CBFA2T2: variants seen among roughly 807,000 people sequenced by gnomAD.
The protein encoded by CBFA2T2 is protein CBFA2T2.
A neutral mutation model predicts 62.2 loss-of-function variants in CBFA2T2; 11 were observed. That is an observed-to-expected ratio of 0.18 (90% confidence interval 0.11 to 0.29). CBFA2T2 has a LOEUF of 0.29. Among genes scored for constraint, CBFA2T2 ranks in the 10% least tolerant of loss-of-function variants. The probability of loss-of-function intolerance (pLI) is 1.00; values close to 1 mark genes in which losing one functional copy is unlikely to be tolerated. For synonymous variants in CBFA2T2, 295 were observed against 287.5 expected (o/e 1.03, Z -0.27); for missense variants, 592 against 774.1 (o/e 0.76, Z 2.79).
At chr20:33,497,919 A>G (rs965535807) in intron 1 of CBFA2T2, among the ~76,000 whole-genome samples, 3 of 151,998 alleles carry the variant, frequency 2.0e-5, no homozygotes, top group Non-Finnish European at 2.9e-5. Context: ...CTGGGTTCCA[A>G]TGATTCTCCT....
At chr20:33,606,564 G>C (rs1025532792) in intron 1 of CBFA2T2, among the ~76,000 whole-genome samples, 2 of 152,034 alleles carry the variant, frequency 1.3e-5, no homozygotes, top group East Asian at 1.9e-4. Context: ...GGCATTCCTC[G>C]GTGTATAGAT....
chr20:33,595,832 G>T (rs2014862369), intron 1 of CBFA2T2, among the ~76,000 whole-genome samples: 2 of 152,164 alleles, frequency 1.3e-5, no homozygotes, highest in African/African-American at 4.8e-5. Flanking sequence ...GAACCACCAT[G>T]CCTGGCCTAC....
intron 8 of CBFA2T2, among the ~76,000 whole-genome samples, chr20:33,630,346 GT>G (rs2016403804): frequency 6.6e-6 from 1 of 152,202 alleles, no homozygotes; most frequent in Non-Finnish European, 1.5e-5. Context: ...TGTGTGCTAG[GT>G]GTTGGTCAGA....
intron 1 of CBFA2T2, among the ~76,000 whole-genome samples, chr20:33,508,463 G>A (rs759364450): frequency 1.3e-5 from 2 of 152,052 alleles, no homozygotes; most frequent in African/African-American, 2.4e-5. Flanking sequence ...AGGGCTACAT[G>A]TGCAGATTTG....
intron 1 of CBFA2T2, among the ~76,000 whole-genome samples, chr20:33,523,133 C>A (rs958989120): frequency 5.3e-5 from 8 of 151,958 alleles, no homozygotes; most frequent in Non-Finnish European, 1.2e-4. Flanking sequence ...AGCAGCATTG[C>A]CACCTGGGAA....
intron 1 of CBFA2T2, among the ~76,000 whole-genome samples, chr20:33,501,412 T>G (rs1198862778): frequency 1.3e-5 from 2 of 152,178 alleles, no homozygotes; most frequent in Non-Finnish European, 2.9e-5. Flanking sequence ...TTATTCATTT[T>G]GGCCTTGTAT....
rs1359362033 is a variant in CBFA2T2 at position 33,650,003 on chromosome 20, A to T, written c.*5357A>T. 2 of 151,032 alleles carry T rather than the reference A, an allele frequency of 1.3e-5. No homozygotes were observed. Among genetic ancestry groups the T allele is most frequent in the Non-Finnish European group, 2.9e-5 (2 of 68,030 alleles). 9.4% of individuals were successfully genotyped at this position (151,032 alleles called of 1,614,324 possible). Reference sequence around the variant, plus strand: ...ATATGTATTTAGTTTGTTCTACTTAAAGTAGTCAATAAAAAGGCTATATTC... The same window carrying T: ...ATATGTATTTAGTTTGTTCTACTTATAGTAGTCAATAAAAAGGCTATATTC... On this transcript the variant is annotated 3_prime_UTR_variant, in exon 11 of 11. Coordinates refer to ENST00000342704, the MANE Select transcript of CBFA2T2 (RefSeq NM_001032999.3).
intron 1 of CBFA2T2, among the ~76,000 whole-genome samples, chr20:33,605,966 C>A (rs899713177): frequency 2.6e-5 from 4 of 151,758 alleles, no homozygotes; most frequent in Non-Finnish European, 4.4e-5. Context: ...CTACAGGTGC[C>A]CACCACCACA....
chr20:33,576,296 C>T (rs2013823711), intron 1 of CBFA2T2, among the ~76,000 whole-genome samples: 1 of 152,116 alleles, frequency 6.6e-6, no homozygotes, highest in South Asian at 2.1e-4. Context: ...GCAGAGGTCT[C>T]ATCTTAATAT....
intron 1 of CBFA2T2, chr20:33,600,599 T>G (rs2015093088): frequency 3.5e-6 from 1 of 286,746 alleles, no homozygotes; most frequent in Admixed American, 4.5e-5. Context: ...TTCCTTCAGC[T>G]GTGATACCAC....
chr20:33,490,183 C>G lies in CBFA2T2; in HGVS notation c.-85C>G, dbSNP rs1357999759. ...CTCGCGGCGACGCCTGCGAGGGACCCGGGCCGCGGGTCGAGGCGGGCGGCG... is the reference window on the plus strand; with the variant it reads ...CTCGCGGCGACGCCTGCGAGGGACCGGGGCCGCGGGTCGAGGCGGGCGGCG... On this transcript the variant is annotated 5_prime_UTR_variant, in exon 1 of 11. Coordinates refer to ENST00000342704, the MANE Select transcript of CBFA2T2 (RefSeq NM_001032999.3). 3 of 1,191,060 alleles carry G rather than the reference C, an allele frequency of 2.5e-6. No homozygotes were observed. Among genetic ancestry groups the G allele is most frequent in the East Asian group, 3.5e-5 (1 of 28,898 alleles). 73.8% of individuals were successfully genotyped at this position (1,191,060 alleles called of 1,614,324 possible).
At chr20:33,494,527 C>G (rs1343355360) in intron 1 of CBFA2T2, among the ~76,000 whole-genome samples, 4 of 151,372 alleles carry the variant, frequency 2.6e-5, no homozygotes, top group African/African-American at 9.7e-5. Flanking sequence ...GTGATCCGCC[C>G]GCCTCGGCCT....
At chr20:33,631,779 A>G (rs2122361235) in intron 8 of CBFA2T2, among the ~76,000 whole-genome samples, 1 of 152,340 alleles carries the variant, frequency 6.6e-6, no homozygotes, top group South Asian at 2.1e-4. Flanking sequence ...TTATATTGTC[A>G]TTCTAGGTTT....
chr20:33,503,784 G>T (rs1037431729), intron 1 of CBFA2T2, among the ~76,000 whole-genome samples: 2 of 151,836 alleles, frequency 1.3e-5, no homozygotes, highest in Non-Finnish European at 2.9e-5. Flanking sequence ...ATCTCGCAAA[G>T]TACTGGGATT....
chr20:33,520,081 G>C (rs1242009507), intron 1 of CBFA2T2, among the ~76,000 whole-genome samples: 1 of 152,102 alleles, frequency 6.6e-6, no homozygotes, highest in Non-Finnish European at 1.5e-5. Flanking sequence ...GGAGGCAGAG[G>C]TTGTGGTGAG....
chr20:33,507,129 G>A (rs929528502), intron 1 of CBFA2T2, among the ~76,000 whole-genome samples: 1 of 152,108 alleles, frequency 6.6e-6, no homozygotes, highest in African/African-American at 2.4e-5. Context: ...ATACTAGAAG[G>A]TGGACTATAA....
At chr20:33,592,268 CAGG>C (rs965321073) in intron 1 of CBFA2T2, among the ~76,000 whole-genome samples, 12 of 151,422 alleles carry the variant, frequency 7.9e-5, no homozygotes, top group Admixed American at 2.0e-4. Context: ...GAGGCTGAGG[CAGG>C]AGAATTGCTG....
intron 1 of CBFA2T2, among the ~76,000 whole-genome samples, chr20:33,559,232 C>T (rs1162307414): frequency 7.9e-6 from 1 of 126,576 alleles, no homozygotes; most frequent in Non-Finnish European, 1.6e-5. Flanking sequence ...GGCTGGAGTA[C>T]AATGGGGCAA....
chr20:33,619,444 AAAAG>A lies in CBFA2T2; in HGVS notation c.421-70_421-67del, dbSNP rs574363128. 83 of 750,162 alleles carry A rather than the reference AAAAG, an allele frequency of 1.1e-4. 1 individual carries two copies. The East Asian group carries it at 2.2e-3, about 20-fold the overall frequency. 46.5% of individuals were successfully genotyped at this position (750,162 alleles called of 1,614,324 possible). The stretch of plus-strand genomic sequence containing the variant: ...AAATAAATAACATTAAAAAAAAAAA[AAAAG>A]AAGAGTTTGGCACTATAAGTTTTGG... On this transcript the variant is annotated intron_variant, in intron 3 of 10. Transcript: ENST00000342704.
Sources: allele counts gnomAD v4.1 joint callset (sites outside exome capture counted in the v4.1 genomes callset), GRCh38; gene constraint gnomAD v4.1.1; transcripts MANE v1.5; gene names NCBI Gene and HGNC (gene_info 2026-07-23, HGNC 2026-07-21).